ANKRD36C: variants seen among roughly 807,000 people sequenced by gnomAD.
The protein encoded by ANKRD36C is ankyrin repeat domain 36C, also known as ankyrin repeat domain-containing protein 36C.
Under a neutral mutation model 276.4 loss-of-function variants are expected in ANKRD36C, and 61 were observed. That is an observed-to-expected ratio of 0.22 (90% CI 0.18 to 0.27). The LOEUF (loss-of-function observed/expected upper bound fraction) is 0.27, where lower values mean the gene tolerates loss of function less well. Among genes scored for constraint, ANKRD36C ranks in the 10% least tolerant of loss-of-function variants. The pLI, the probability that ANKRD36C is intolerant of heterozygous loss-of-function variation, is 1.00. For synonymous variants in ANKRD36C, 483 were observed against 680.1 expected, an observed-to-expected ratio of 0.71 and a Z score of 4.51; for missense variants, 1,447 against 2,032.3, an observed-to-expected ratio of 0.71 and a Z score of 5.54.
At chr2:95,851,607 A>C (rs1346288302) in intron 66 of ANKRD36C, 87 bp downstream of exon 86, 3 of 1,168,422 alleles carry the variant, frequency 2.6e-6, no homozygotes, top group Non-Finnish European at 3.6e-6. Context: ...TTTGGCCCCA[A>C]GCATTTTGGA....
chr2:95,985,416 G>GT (rs944211248), intron 3 of ANKRD36C, among the ~76,000 whole-genome samples: 55 of 152,306 alleles, frequency 3.6e-4, no homozygotes, highest in African/African-American at 1.3e-3. Context: ...AACCAGCAGC[G>GT]TATCAGTGTC....
At chr2:95,891,633 G>A (rs765235909) in intron 46 of ANKRD36C, 32 bp downstream of exon 66, 3 of 1,540,974 alleles carry the variant, frequency 1.9e-6, no homozygotes, top group African/African-American at 2.8e-5. Context: ...TATCTGCACT[G>A]AACATGACAT....
intron 59 of ANKRD36C, among the ~76,000 whole-genome samples, chr2:95,873,003 T>G (rs1001640223): frequency 2.6e-5 from 4 of 152,172 alleles, no homozygotes; most frequent in African/African-American, 9.6e-5. Context: ...AATAACAGGC[T>G]CTGAAATTGT....
At chr2:95,852,005 A>T (rs1675303787) in intron 65 of ANKRD36C, 121 bp downstream of exon 85, 2 of 1,208,230 alleles carry the variant, frequency 1.7e-6, no homozygotes, top group Non-Finnish European at 2.4e-6. Context: ...TAGCTTACAG[A>T]TGAAACTTTT....
At chr2:95,912,031 C>T (rs1676942725) in intron 42 of ANKRD36C, among the ~76,000 whole-genome samples, 1 of 151,386 alleles carries the variant, frequency 6.6e-6, no homozygotes, top group African/African-American at 2.4e-5. Context: ...TTTCTTCCTC[C>T]CAATTGCAAT....
In ANKRD36C at chr2:95,903,144, C is replaced by T. The variant is rs1004116202; in HGVS notation, c.2654-3808G>A. 52 of 1,534,352 alleles carry T rather than the reference C, an allele frequency of 3.4e-5. 2 individuals are homozygous for T. In the Middle Eastern group the frequency reaches 7.0e-4, roughly 21 times the overall value. On this transcript the variant is annotated intron_variant, in intron 42 of 66. Coordinates refer to ENST00000456556, the Ensembl canonical transcript of ANKRD36C. ...AAAATGACAAAATTATCCACATATT[C>T]ATGCAGTGTTAGCATCAACCTCTGT...
Position 95,919,855 on chromosome 2 carries a change from G to T in ANKRD36C, c.2245+1752C>A. 2 of 1,537,944 alleles carry T rather than the reference G, an allele frequency of 1.3e-6. 1 individual carries two copies. On this transcript the variant is annotated intron_variant, in intron 34 of 66. Transcript: ENST00000456556. ...ATAAATAAATAAATCAATGAAGTAT[G>T]TGTCATAGACTACAATGTAAATGAG...
intron 28 of ANKRD36C, among the ~76,000 whole-genome samples, chr2:95,926,760 C>T (rs555541047): frequency 2.6e-5 from 4 of 151,586 alleles, no homozygotes; most frequent in African/African-American, 9.7e-5. Flanking sequence ...TCCTGCCTGA[C>T]AATCCTCTTC....
In ANKRD36C at chr2:95,988,446, T is replaced by G. The variant is rs367887576; in HGVS notation, c.198-1240A>C. On this transcript the variant is annotated intron_variant, in intron 1 of 66. Coordinates refer to ENST00000456556, the Ensembl canonical transcript of ANKRD36C. ...AGATCCAATTGGGATTCAGTCCTAA[T>G]GCTTCCATTTTAAATCTCAGCTTGC... Among the ~76,000 whole-genome samples, 16 of 151,994 alleles carry G rather than the reference T, an allele frequency of 1.1e-4. No homozygotes were observed. The East Asian group carries it at 1.7e-3, about 16-fold the overall frequency.
chr2:95,880,226 A>G (rs1390302777), intron 58 of ANKRD36C, among the ~76,000 whole-genome samples: 1 of 152,108 alleles, frequency 6.6e-6, no homozygotes, highest in Non-Finnish European at 1.5e-5. Flanking sequence ...CAAAACAAAA[A>G]CCTTATGTTT....
At chr2:95,947,853 G>A (rs187659475) in intron 17 of ANKRD36C, among the ~76,000 whole-genome samples, 16 of 152,004 alleles carry the variant, frequency 1.1e-4, no homozygotes, top group Admixed American at 3.9e-4. Flanking sequence ...AGCTCTTGCT[G>A]TATTGCCAAG....
At chr2:95,979,811 G>T (rs1678880783) in intron 5 of ANKRD36C, among the ~76,000 whole-genome samples, 1 of 151,978 alleles carries the variant, frequency 6.6e-6, no homozygotes, top group Admixed American at 6.6e-5. Context: ...CACCATGAAG[G>T]TCTAGAAGCC....
chr2:95,914,013 T>A (rs1573761430), intron 40 of ANKRD36C, 95 bp downstream of exon 42: 1 of 1,257,614 alleles, frequency 8.0e-7, no homozygotes, highest in East Asian at 2.5e-5. Flanking sequence ...TATCAGAATG[T>A]GCAGCTTCAA....
At chr2:95,850,838 G>A (rs1033744965), downstream of ANKRD36C, among the ~76,000 whole-genome samples, 20 of 152,290 alleles carry the variant, frequency 1.3e-4, 2 homozygotes, top group South Asian at 3.5e-3. Context: ...AGAAGTTGAC[G>A]ATGCCTTTGT....
At chr2:95,966,969 G>A (rs1678605149) in intron 6 of ANKRD36C, among the ~76,000 whole-genome samples, 1 of 152,062 alleles carries the variant, frequency 6.6e-6, no homozygotes. Context: ...TATTACTGGT[G>A]TATAGGAATG....
intron 63 of ANKRD36C, among the ~76,000 whole-genome samples, chr2:95,854,099 T>C (rs2104241856): frequency 6.7e-6 from 1 of 149,580 alleles, no homozygotes; most frequent in African/African-American, 2.5e-5. Flanking sequence ...CCACTAGTCA[T>C]TCCTCCCTTG....
chr2:95,903,109 C>G, intron 42 of ANKRD36C, 28 bp from the exon 53 acceptor site: 2 of 1,554,090 alleles, frequency 1.3e-6, no homozygotes, highest in Non-Finnish European at 1.7e-6. Flanking sequence ...TTCATAATCA[C>G]TCATATGTAA....
intron 60 of ANKRD36C, among the ~76,000 whole-genome samples, chr2:95,861,838 C>CTTA (rs1675592397): frequency 6.6e-6 from 1 of 151,954 alleles, no homozygotes; most frequent in African/African-American, 2.4e-5. Flanking sequence ...TACAGGCTGC[C>CTTA]TATAAGAAAA....
chr2:95,968,889 A>G (rs1412643146), intron 6 of ANKRD36C, among the ~76,000 whole-genome samples: 2 of 152,232 alleles, frequency 1.3e-5, no homozygotes, highest in Admixed American at 1.3e-4. Flanking sequence ...AGTTTCTTAT[A>G]AAGAATATTA....
Sources: gnomAD v4.1 joint callset for allele counts (sites outside exome capture counted in the v4.1 genomes callset) on GRCh38, gnomAD v4.1.1 for gene constraint, MANE v1.5 for transcripts, NCBI Gene and HGNC (gene_info 2026-07-23, HGNC 2026-07-21) for gene names.